WWC2: variants seen among roughly 807,000 people sequenced by gnomAD.
WWC2 encodes the protein WW and C2 domain containing 2.
A neutral mutation model predicts 138.5 loss-of-function variants in WWC2; 101 were observed. The ratio of observed to expected loss-of-function variants is 0.73; its 90% CI spans 0.62 to 0.86. The LOEUF (loss-of-function observed/expected upper bound fraction) is 0.86. WWC2 is among the 40% of genes least tolerant of loss of function. The probability of loss-of-function intolerance (pLI) is 0.00; values close to 1 mark genes in which losing one functional copy is unlikely to be tolerated. For synonymous variants in WWC2, 558 were observed against 538.4 expected, an observed-to-expected ratio of 1.04 and a Z score of -0.50; for missense variants, 1,420 against 1,419.4, an observed-to-expected ratio of 1.00 and a Z score of -0.01.
chr4:183,196,279 A>G (rs1156697257), intron 2 of WWC2, among the ~76,000 whole-genome samples: 3 of 152,148 alleles, frequency 2.0e-5, no homozygotes, highest in Admixed American at 6.5e-5. Flanking sequence ...TACACCCTAC[A>G]AACTATCAAA....
intron 1 of WWC2, among the ~76,000 whole-genome samples, chr4:183,178,964 A>G (rs1409062762): frequency 6.6e-6 from 1 of 152,208 alleles, no homozygotes; most frequent in East Asian, 1.9e-4. Context: ...TGTTTTGGAT[A>G]CAATTAAAAT....
intron 18 of WWC2, among the ~76,000 whole-genome samples, chr4:183,283,570 C>T (rs1738149003): frequency 6.6e-6 from 1 of 152,168 alleles, no homozygotes; most frequent in Non-Finnish European, 1.5e-5. Flanking sequence ...CATCAAGAGG[C>T]AGGTTTGGAA....
At chr4:183,123,402 G>GGTGTGTGTGTGTGTGTGTGTGT (rs67158904) in intron 1 of WWC2, among the ~76,000 whole-genome samples, 1 of 147,604 alleles carries the variant, frequency 6.8e-6, no homozygotes, top group East Asian at 2.0e-4. Context: ...GCAAGTTTCA[G>GGTGTGTGTGTGTGTGTGTGTGT]GTGTGTGTGT....
intron 1 of WWC2, among the ~76,000 whole-genome samples, chr4:183,192,766 C>T (rs946436062): frequency 5.9e-5 from 9 of 152,084 alleles, no homozygotes; most frequent in Non-Finnish European, 7.4e-5. Flanking sequence ...ATGGTGGCCA[C>T]ACTCCAGCAA....
intron 4 of WWC2, among the ~76,000 whole-genome samples, chr4:183,224,422 A>C (rs1736012678): frequency 1.3e-5 from 2 of 152,166 alleles, no homozygotes; most frequent in South Asian, 4.1e-4. Context: ...TTCCCCCTGC[A>C]TCACCACTTC....
intron 1 of WWC2, among the ~76,000 whole-genome samples, chr4:183,156,163 A>C (rs1019412762): frequency 1.3e-5 from 2 of 151,800 alleles, no homozygotes; most frequent in African/African-American, 4.8e-5. Flanking sequence ...AGTAGCTCGG[A>C]TTACAGGTGC....
At chr4:183,155,701 T>C (rs1272095407) in intron 1 of WWC2, among the ~76,000 whole-genome samples, 1 of 152,190 alleles carries the variant, frequency 6.6e-6, no homozygotes, top group Admixed American at 6.5e-5. Flanking sequence ...TTTAAAGTCA[T>C]AAGATGTACT....
chr4:183,146,712 T>C (rs1310155346), intron 1 of WWC2, among the ~76,000 whole-genome samples: 1 of 152,246 alleles, frequency 6.6e-6, no homozygotes. Flanking sequence ...GGCTGGGGAA[T>C]GTGACAATGA....
At chr4:183,175,253 T>G (rs1734430346) in intron 1 of WWC2, among the ~76,000 whole-genome samples, 1 of 152,128 alleles carries the variant, frequency 6.6e-6, no homozygotes, top group African/African-American at 2.4e-5. Flanking sequence ...ATTTCTTATT[T>G]ATTTATTTTT....
chr4:183,196,288 A>C (rs1418576851), intron 2 of WWC2, among the ~76,000 whole-genome samples: 3 of 152,158 alleles, frequency 2.0e-5, no homozygotes, highest in Non-Finnish European at 4.4e-5. Flanking sequence ...CAAACTATCA[A>C]ATCCAAACAA....
chr4:183,130,935 G>T (rs541292283), intron 1 of WWC2, among the ~76,000 whole-genome samples: 18 of 152,180 alleles, frequency 1.2e-4, no homozygotes, highest in Non-Finnish European at 2.2e-4. Flanking sequence ...ACTAGTGTTT[G>T]ATCAAATATC....
At chr4:183,288,620 G>A (rs147639335) in intron 20 of WWC2, among the ~76,000 whole-genome samples, 97 of 152,256 alleles carry the variant, frequency 6.4e-4, no homozygotes, top group African/African-American at 2.1e-3. Context: ...AGTTTTCAAG[G>A]GCAGAGATTG....
chr4:183,282,283 G>C (rs747474690), intron 17 of WWC2, among the ~76,000 whole-genome samples: 2 of 152,156 alleles, frequency 1.3e-5, no homozygotes, highest in Admixed American at 1.3e-4. Flanking sequence ...TCGACTGTGA[G>C]TACACTCAAT....
At chr4:183,175,976 C>T (rs776005118) in intron 1 of WWC2, among the ~76,000 whole-genome samples, 4 of 152,210 alleles carry the variant, frequency 2.6e-5, no homozygotes, top group Non-Finnish European at 5.9e-5. Context: ...ACTTTGCCAG[C>T]GTTCAGCCTC....
At chr4:183,254,044 GT>G in intron 9 of WWC2, 45 bp downstream of exon 9, 1 of 1,595,090 alleles carries the variant, frequency 6.3e-7, no homozygotes, top group Middle Eastern at 1.7e-4. Flanking sequence ...TCTTGTGGGG[GT>G]GTCTTAACTG....
At chr4:183,182,336 A>G (rs1465714987) in intron 1 of WWC2, among the ~76,000 whole-genome samples, 4 of 152,196 alleles carry the variant, frequency 2.6e-5, no homozygotes, top group South Asian at 2.1e-4. Flanking sequence ...ATTATCCACC[A>G]TGAAATTGAC....
chr4:183,103,877 G>A (rs537906924), intron 1 of WWC2, among the ~76,000 whole-genome samples: 5 of 150,366 alleles, frequency 3.3e-5, no homozygotes, highest in South Asian at 2.1e-4. Context: ...CTTGTGATGC[G>A]CCCACCTTGG....
chr4:183,278,436 G>T (rs1246761217), intron 16 of WWC2, among the ~76,000 whole-genome samples: 8 of 152,068 alleles, frequency 5.3e-5, no homozygotes, highest in Non-Finnish European at 8.8e-5. Flanking sequence ...TGTTCTTTTG[G>T]CTTAGGATTG....
At chr4:183,256,983 G>A (rs1737171394) in intron 9 of WWC2, among the ~76,000 whole-genome samples, 1 of 151,060 alleles carries the variant, frequency 6.6e-6, no homozygotes. Flanking sequence ...ACCTGGTGGT[G>A]GGAAAGAGGT....
Sources: allele counts gnomAD v4.1 joint callset (sites outside exome capture counted in the v4.1 genomes callset), GRCh38; gene constraint gnomAD v4.1.1; transcripts MANE v1.5; gene names NCBI Gene and HGNC (gene_info 2026-07-23, HGNC 2026-07-21).